Variants in DMGDH observed in about 807,000 individuals in gnomAD.
DMGDH encodes the protein dimethylglycine dehydrogenase, mitochondrial.
In DMGDH, 76 loss-of-function variants were observed where a neutral mutation model predicts 95.2. The ratio of observed to expected loss-of-function variants is 0.80; its 90% CI spans 0.66 to 0.97. The LOEUF (loss-of-function observed/expected upper bound fraction) is 0.97. DMGDH is among the 50% of genes least tolerant of loss of function. The probability of loss-of-function intolerance (pLI) is 0.00; values close to 1 mark genes in which losing one functional copy is unlikely to be tolerated. For missense variants in DMGDH, 987 were observed against 1,055.0 expected (o/e 0.94, Z 0.89); for synonymous variants, 345 against 377.6 (o/e 0.91, Z 1.00).
rs996787133 is a variant in DMGDH, at chr5:79,026,315, G to C, written c.2190+109C>G. 7 of 1,380,046 alleles carry C rather than the reference G, an allele frequency of 5.1e-6. No homozygotes were observed. In the African/African-American group the frequency reaches 1.0e-4, roughly 20 times the overall value. The allele number at this position is 1,380,046 out of a possible 1,614,324, so 85.5% of individuals were successfully genotyped here. ...ATGAAATAAAGTTATCTAATGATAT[G>C]TAATTTCTCTTACAGCCAAAACCAA... On this transcript the variant is annotated intron_variant, in intron 13 of 15. Coordinates refer to ENST00000255189, the MANE Select transcript of DMGDH (RefSeq NM_013391.3).
At chr5:79,021,752 A>C (rs1185498454) in intron 14 of DMGDH, 4 of 1,259,628 alleles carry the variant, frequency 3.2e-6, no homozygotes, top group Non-Finnish European at 4.2e-6. Context: ...AAGGTAGTCC[A>C]TACAAACAAT....
At chr5:79,046,056 G>GTGTTTTGTTT (rs71974072) in intron 5 of DMGDH, among the ~76,000 whole-genome samples, 5,412 of 147,794 alleles carry the variant, frequency 0.037, 117 homozygotes, top group African/African-American at 0.048. Flanking sequence ...CTATTTGCCG[G>GTGTTTTGTTT]TGTTTTGTTT....
chr5:79,030,015 C>T lies in DMGDH; in HGVS notation c.1703G>A (p.Ser568Asn). 1 of 1,613,608 alleles carries T rather than the reference C, an allele frequency of 6.2e-7. No individual in the cohort carries two copies. The highest frequency in any genetic ancestry group is 8.5e-7 in the Non-Finnish European group (1 of 1,179,822). The change falls in exon 11 of 16, where the codon AGT becomes AAT. Residue 568 changes from serine (S) to asparagine (N), a missense_variant. Ser to Asn is a conservative substitution (Grantham distance 46). Coordinates refer to ENST00000255189, the MANE Select transcript of DMGDH (RefSeq NM_013391.3). The part of the protein sequence containing the change: ...VIPKVGFTNI[S>N]HMLTPKGRVY... Reference sequence around the variant, plus strand: ...TCGACCCTTGGGTGTTAACATGTGACTTATATTTGTAAAACCCACCTACAT... The same window carrying T: ...TCGACCCTTGGGTGTTAACATGTGATTTATATTTGTAAAACCCACCTACAT...
chr5:79,060,618 G>C (rs1362140809), intron 2 of DMGDH, among the ~76,000 whole-genome samples: 1 of 151,980 alleles, frequency 6.6e-6, no homozygotes, highest in Non-Finnish European at 1.5e-5. Flanking sequence ...AAATATCTCG[G>C]TGTTAAAAAT....
chr5:79,037,387 A>T (rs774227035), intron 7 of DMGDH, among the ~76,000 whole-genome samples: 2 of 152,192 alleles, frequency 1.3e-5, no homozygotes, highest in Non-Finnish European at 2.9e-5. Context: ...TGGCCTCCAG[A>T]GCCATGGAAT....
intron 14 of DMGDH, 143 bp downstream of exon 14, chr5:79,024,128 C>A: frequency 1.3e-6 from 1 of 752,006 alleles, no homozygotes; most frequent in Non-Finnish European, 2.3e-6. Context: ...AGTAATATGA[C>A]ACAATTGAGC....
chr5:79,013,044 C>A (rs1351261673), intron 14 of DMGDH, among the ~76,000 whole-genome samples: 3 of 152,212 alleles, frequency 2.0e-5, no homozygotes, highest in African/African-American at 7.2e-5. Flanking sequence ...CTTTTCTTTT[C>A]TACTACATGG....
At chr5:79,030,737 T>C (rs905083033) in intron 10 of DMGDH, 96 bp downstream of exon 10, 2 of 1,276,060 alleles carry the variant, frequency 1.6e-6, no homozygotes, top group Non-Finnish European at 2.2e-6. Flanking sequence ...GTTCTAGTGT[T>C]CATCCAGAAA....
At chr5:79,010,156 T>A (rs1753622265) in intron 14 of DMGDH, among the ~76,000 whole-genome samples, 1 of 152,198 alleles carries the variant, frequency 6.6e-6, no homozygotes, top group Non-Finnish European at 1.5e-5. Flanking sequence ...ATTAAGTAGA[T>A]TTTTAAGTGA....
At chr5:79,028,179 C>T (rs919807985) in intron 12 of DMGDH, among the ~76,000 whole-genome samples, 20 of 151,884 alleles carry the variant, frequency 1.3e-4, no homozygotes, top group African/African-American at 4.8e-4. Flanking sequence ...TGGTAGGCAG[C>T]GATGGGACTG....
At chr5:79,059,703 C>A (rs1349660325) in intron 2 of DMGDH, among the ~76,000 whole-genome samples, 2 of 152,126 alleles carry the variant, frequency 1.3e-5, no homozygotes, top group Admixed American at 6.5e-5. Flanking sequence ...TGCTGTTTTC[C>A]CAACAGGACT....
At chr5:79,048,784 CA>C (rs1561225150) in intron 5 of DMGDH, among the ~76,000 whole-genome samples, 26 of 151,932 alleles carry the variant, frequency 1.7e-4, no homozygotes, top group African/African-American at 6.3e-4. Context: ...CACACACACA[CA>C]CACACCCCTC....
chr5:79,050,929 G>A (rs890977693), intron 5 of DMGDH, among the ~76,000 whole-genome samples: 1 of 152,060 alleles, frequency 6.6e-6, no homozygotes, highest in Admixed American at 6.6e-5. Flanking sequence ...AAAGCAAATT[G>A]GACACAAAGA....
rs147092092 is a variant in DMGDH at position 79,057,847 on chromosome 5, A to C, written c.277-1939T>G. On this transcript the variant is annotated intron_variant, in intron 2 of 15. Coordinates refer to ENST00000255189, the MANE Select transcript of DMGDH (RefSeq NM_013391.3). ...ATCTGGTCATCACAAGCACTGGCCTAGGGTACTGATCACCATCCACTCCTC... is the reference window on the plus strand; with the variant it reads ...ATCTGGTCATCACAAGCACTGGCCTCGGGTACTGATCACCATCCACTCCTC... 2.1e-4 allele frequency among the ~76,000 whole-genome samples: 32 copies of C among 152,314 alleles called. No individual in the cohort carries two copies. In the East Asian group the frequency reaches 6.2e-3, roughly 29 times the overall value.
chr5:79,021,807 G>T, intron 14 of DMGDH: 2 of 1,002,054 alleles, frequency 2.0e-6, no homozygotes, highest in South Asian at 2.8e-5. Flanking sequence ...TTTCAAGTCT[G>T]ATAAGCCCAC....
At chr5:79,035,629 G>T (rs1754326875) in intron 7 of DMGDH, among the ~76,000 whole-genome samples, 2 of 150,964 alleles carry the variant, frequency 1.3e-5, no homozygotes, top group Admixed American at 6.7e-5. Flanking sequence ...AGAGCCAGGG[G>T]TGCTTTGATT....
At chr5:79,059,886 A>G (rs762791337) in intron 2 of DMGDH, among the ~76,000 whole-genome samples, 6 of 152,200 alleles carry the variant, frequency 3.9e-5, no homozygotes, top group Non-Finnish European at 8.8e-5. Flanking sequence ...ACCTGTATGT[A>G]ATACAACACT....
chr5:79,062,087 G>A (rs1038779143), intron 2 of DMGDH, among the ~76,000 whole-genome samples: 1 of 152,160 alleles, frequency 6.6e-6, no homozygotes, highest in East Asian at 1.9e-4. Context: ...ACATTTCCCT[G>A]CCTAAATGAT....
At chr5:79,005,469 T>A in intron 14 of DMGDH, 62 bp from the exon 15 acceptor site, 2 of 1,607,088 alleles carry the variant, frequency 1.2e-6, no homozygotes, top group South Asian at 1.1e-5. Context: ...AGGTTAGAGA[T>A]GCAAGCATTT....
Sources: gnomAD v4.1 joint callset for allele counts (sites outside exome capture counted in the v4.1 genomes callset) on GRCh38, gnomAD v4.1.1 for gene constraint, MANE v1.5 for transcripts, NCBI Gene and HGNC (gene_info 2026-07-23, HGNC 2026-07-21) for gene names.